Variants in CCBE1 observed in about 807,000 individuals in gnomAD.
CCBE1 encodes collagen and calcium-binding EGF domain-containing protein 1.
CCBE1 carries 37 observed loss-of-function variants against 50.0 expected under a neutral mutation model. That is an observed-to-expected ratio of 0.74 (90% CI 0.57 to 0.97). CCBE1 has a LOEUF of 0.97. CCBE1 is among the 50% of genes least tolerant of loss of function. CCBE1 has a pLI of 0.00. For missense variants in CCBE1, 538 were observed against 523.8 expected, an observed-to-expected ratio of 1.03 and a Z score of -0.26; for synonymous variants, 234 against 203.7, an observed-to-expected ratio of 1.15 and a Z score of -1.27.
At chr18:59,551,888 C>T (rs552372493) in intron 2 of CCBE1, among the ~76,000 whole-genome samples, 6 of 152,300 alleles carry the variant, frequency 3.9e-5, no homozygotes, top group East Asian at 1.9e-4. Context: ...CATTAGGTAT[C>T]GATTGCTGTG....
Position 59,696,728 on chromosome 18 carries a change from G to A in CCBE1, c.132-19C>T, listed in dbSNP as rs776316371. The A allele has an allele frequency of 5.6e-6, 9 of 1,611,942 alleles. No individual in the cohort carries two copies. The highest frequency in any genetic ancestry group is 1.1e-5 in the South Asian group (1 of 90,998). On this transcript the variant is annotated intron_variant, in intron 1 of 10. Transcript: ENST00000439986. The stretch of plus-strand genomic sequence containing the variant: ...GATTTCTCTATGAAAAAGTGCAGAG[G>A]AAATGTTCGATTCTCAGCGGGAGAG...
chr18:59,574,976 C>T (rs1194951610), intron 2 of CCBE1, among the ~76,000 whole-genome samples: 1 of 152,014 alleles, frequency 6.6e-6, no homozygotes, highest in Non-Finnish European at 1.5e-5. Context: ...TAATCCAATC[C>T]ATATAAAAAG....
intron 2 of CCBE1, among the ~76,000 whole-genome samples, chr18:59,565,733 G>C (rs901194916): frequency 2.0e-5 from 3 of 152,134 alleles, no homozygotes; most frequent in Admixed American, 2.0e-4. Context: ...GTAGCTAAGA[G>C]GGGAAGACGG....
intron 2 of CCBE1, among the ~76,000 whole-genome samples, chr18:59,586,143 T>C (rs1310107404): frequency 6.6e-6 from 1 of 152,224 alleles, no homozygotes; most frequent in Non-Finnish European, 1.5e-5. Context: ...AGCCTAACTT[T>C]AATGCTCCAC....
At chr18:59,445,595 G>C (rs899562643) in intron 7 of CCBE1, among the ~76,000 whole-genome samples, 51 of 152,132 alleles carry the variant, frequency 3.4e-4, no homozygotes, top group Admixed American at 3.3e-3. Context: ...GTCTTTTTTA[G>C]TTCACAGAAT....
At chr18:59,694,498 G>A (rs1012074925) in intron 2 of CCBE1, among the ~76,000 whole-genome samples, 3 of 152,184 alleles carry the variant, frequency 2.0e-5, no homozygotes, top group African/African-American at 4.8e-5. Context: ...CATGCGTCCT[G>A]GGGATGAGGA....
At chr18:59,527,674 C>T (rs954430992) in intron 2 of CCBE1, among the ~76,000 whole-genome samples, 5 of 152,160 alleles carry the variant, frequency 3.3e-5, no homozygotes, top group Non-Finnish European at 7.3e-5. Context: ...GCAAGACAGG[C>T]CTTGTGGTGA....
intron 2 of CCBE1, among the ~76,000 whole-genome samples, chr18:59,553,814 G>A (rs1222765837): frequency 6.6e-6 from 1 of 152,184 alleles, no homozygotes; most frequent in Admixed American, 6.5e-5. Flanking sequence ...CCACTATGGC[G>A]ACCCGGAGGC....
At chr18:59,616,247 G>A (rs1260454757) in intron 2 of CCBE1, among the ~76,000 whole-genome samples, 1 of 152,046 alleles carries the variant, frequency 6.6e-6, no homozygotes, top group African/African-American at 2.4e-5. Flanking sequence ...ACCGCTTTAG[G>A]GAATGCTCAT....
At position 59,467,966 on chromosome 18, in the gene CCBE1, C is replaced by T. The variant is rs181079044; in HGVS notation, c.401-1075G>A. On this transcript the variant is annotated intron_variant, in intron 4 of 10. Coordinates refer to ENST00000439986, the MANE Select transcript of CCBE1 (RefSeq NM_133459.4). ...AGGCTCACTGCCTTTCCCCAGGTGT[C>T]CCTGCCCTAAACCTACATGTGATGC... Among the ~76,000 whole-genome samples the T allele has an allele frequency of 1.4e-3, 218 of 152,328 alleles. 1 individual carries two copies. Among genetic ancestry groups the T allele is most frequent in the Non-Finnish European group, 2.3e-3 (158 of 68,036 alleles).
chr18:59,600,605 G>T (rs1404694728), intron 2 of CCBE1, among the ~76,000 whole-genome samples: 1 of 152,096 alleles, frequency 6.6e-6, no homozygotes. Flanking sequence ...GGAAGATGAA[G>T]AAGAGGGTTA....
chr18:59,532,411 G>A (rs753449285), intron 2 of CCBE1, among the ~76,000 whole-genome samples: 2 of 152,058 alleles, frequency 1.3e-5, no homozygotes, highest in Non-Finnish European at 2.9e-5. Flanking sequence ...GGTTTGCCTC[G>A]CATTAAACTG....
intron 2 of CCBE1, among the ~76,000 whole-genome samples, chr18:59,517,717 G>A (rs1266722412): frequency 6.6e-6 from 1 of 152,200 alleles, no homozygotes; most frequent in African/African-American, 2.4e-5. Flanking sequence ...CTAGCAGTGA[G>A]GACACAAAGC....
At chr18:59,561,521 G>A (rs1478372308) in intron 2 of CCBE1, among the ~76,000 whole-genome samples, 1 of 152,212 alleles carries the variant, frequency 6.6e-6, no homozygotes, top group African/African-American at 2.4e-5. Flanking sequence ...TCACAGCCAT[G>A]TAGCCATAAC....
intron 6 of CCBE1, among the ~76,000 whole-genome samples, chr18:59,454,314 A>G (rs1238331385): frequency 6.6e-6 from 1 of 152,174 alleles, no homozygotes; most frequent in African/African-American, 2.4e-5. Context: ...GAGTGGTCCC[A>G]GCTCACTGCA....
At chr18:59,465,761 T>C (rs1353984651) in intron 5 of CCBE1, 2 of 152,232 alleles carry the variant, frequency 1.3e-5, no homozygotes, top group Admixed American at 1.3e-4. Context: ...TTGTTTACCT[T>C]ACAAGGAGAT....
At chr18:59,595,587 C>T (rs2144547243) in intron 2 of CCBE1, among the ~76,000 whole-genome samples, 1 of 152,340 alleles carries the variant, frequency 6.6e-6, no homozygotes, top group East Asian at 1.9e-4. Context: ...CTGAAAGTAT[C>T]TTTCCCATTT....
chr18:59,501,291 T>TC (rs1262526743), intron 2 of CCBE1, among the ~76,000 whole-genome samples: 1 of 152,200 alleles, frequency 6.6e-6, no homozygotes, highest in East Asian at 1.9e-4. Flanking sequence ...ACAGCACATC[T>TC]CCTTTTACTT....
At chr18:59,630,459 C>T (rs1369952461) in intron 2 of CCBE1, among the ~76,000 whole-genome samples, 1 of 152,174 alleles carries the variant, frequency 6.6e-6, no homozygotes, top group Non-Finnish European at 1.5e-5. Flanking sequence ...TGATATCTTA[C>T]ACTTTTGTGG....
Sources: gnomAD v4.1 joint callset for allele counts (sites outside exome capture counted in the v4.1 genomes callset) on GRCh38, gnomAD v4.1.1 for gene constraint, MANE v1.5 for transcripts, NCBI Gene and HGNC (gene_info 2026-07-23, HGNC 2026-07-21) for gene names.